The following AIG1 variants were observed in gnomAD, a reference collection of about 807,000 sequenced individuals.
The protein encoded by AIG1 is androgen induced 1.
Under a neutral mutation model 31.4 loss-of-function variants are expected in AIG1, and 23 were observed. The ratio of observed to expected loss-of-function variants is 0.73; its 90% confidence interval spans 0.53 to 1.04. AIG1 has a LOEUF of 1.04. AIG1 is among the 50% of genes least tolerant of loss of function. The pLI is 0.00. For synonymous variants in AIG1, 100 were observed against 110.5 expected (o/e 0.90, Z 0.60); for missense variants, 274 against 295.0 (o/e 0.93, Z 0.52).
chr6:143,206,981 T>A (rs891101477), intron 3 of AIG1, among the ~76,000 whole-genome samples: 11 of 152,170 alleles, frequency 7.2e-5, no homozygotes, highest in Non-Finnish European at 1.6e-4. Flanking sequence ...GGACATTTTT[T>A]AATGGGCCCT....
rs1004907177 is a variant in AIG1, at chr6:143,129,074, G to A, written c.142-7761G>A. 3.9e-5 allele frequency among the ~76,000 whole-genome samples: 6 copies of A among 152,018 alleles called. No homozygotes were observed. In the East Asian group the frequency reaches 1.2e-3, roughly 30 times the overall value. On this transcript the variant is annotated intron_variant, in intron 1 of 5. Transcript: ENST00000357847. The stretch of plus-strand genomic sequence containing the variant: ...TGGGAGGCCGAGGCAGGCAGATCAC[G>A]AGGTCAAGAGATTGAGACCATCCTG...
At chr6:143,141,537 T>C (rs1784244992) in intron 2 of AIG1, among the ~76,000 whole-genome samples, 1 of 152,188 alleles carries the variant, frequency 6.6e-6, no homozygotes, top group African/African-American at 2.4e-5. Flanking sequence ...GTTGCTTGGA[T>C]GAACATGGCA....
intron 2 of AIG1, among the ~76,000 whole-genome samples, chr6:143,163,696 A>G (rs1786637702): frequency 1.3e-5 from 2 of 152,162 alleles, no homozygotes; most frequent in Admixed American, 6.5e-5. Context: ...GCTCAGCTCT[A>G]TTTCCAACTG....
intron 1 of AIG1, among the ~76,000 whole-genome samples, chr6:143,104,365 A>ACC (rs1780605594): frequency 1.3e-5 from 2 of 152,206 alleles, no homozygotes; most frequent in African/African-American, 2.4e-5. Flanking sequence ...ATGAGGGTGA[A>ACC]GCTTCCTTCT....
intron 2 of AIG1, among the ~76,000 whole-genome samples, chr6:143,160,588 G>T (rs1786268325): frequency 6.6e-6 from 1 of 152,180 alleles, no homozygotes; most frequent in Non-Finnish European, 1.5e-5. Flanking sequence ...GCTGGCCATT[G>T]CTCCTGGCCA....
chr6:143,168,949 A>T (rs1216554761), intron 3 of AIG1, among the ~76,000 whole-genome samples: 1 of 152,046 alleles, frequency 6.6e-6, no homozygotes, highest in Non-Finnish European at 1.5e-5. Context: ...TTTCCATTAT[A>T]ATAGCATATT....
chr6:143,100,961 A>C lies in AIG1; in HGVS notation c.142-35874A>C, dbSNP rs540468741. Among the ~76,000 whole-genome samples, 7 of 152,332 alleles carry C rather than the reference A, an allele frequency of 4.6e-5. No homozygotes were observed. In the East Asian group the frequency reaches 1.4e-3, roughly 29 times the overall value. On this transcript the variant is annotated intron_variant, in intron 1 of 5. Coordinates refer to ENST00000357847, the MANE Select transcript of AIG1 (RefSeq NM_016108.4). ...CGGCCTCCCAAAGTGCTGGGATTAC[A>C]GGCCTGAGCCACCGTGCCCAGCCTA...
intron 3 of AIG1, among the ~76,000 whole-genome samples, chr6:143,263,406 C>T (rs1443742161): frequency 6.6e-6 from 1 of 151,994 alleles, no homozygotes; most frequent in East Asian, 1.9e-4. Flanking sequence ...ATAAGCCCTG[C>T]CCTGGTTCTT....
intron 3 of AIG1, among the ~76,000 whole-genome samples, chr6:143,282,430 G>A (rs576078455): frequency 2.1e-4 from 32 of 152,232 alleles, no homozygotes; most frequent in Non-Finnish European, 3.4e-4. Flanking sequence ...AACTGTTGGC[G>A]ACATTCCAGG....
rs148527530 is a variant in AIG1, at chr6:143,202,079, A to G, written c.399+36896A>G. On this transcript the variant is annotated intron_variant, in intron 3 of 5. Transcript: ENST00000357847. The stretch of plus-strand genomic sequence containing the variant: ...CAAACCCACAATTTAAATCCAGGCT[A>G]TTCAAGTCTACTCTTACCAACTCTC... Among the ~76,000 whole-genome samples, 803 of 152,286 alleles carry G rather than the reference A, an allele frequency of 5.3e-3. 5 individuals carry two copies. The highest frequency in any genetic ancestry group is 8.1e-3 in the Non-Finnish European group (551 of 68,012).
chr6:143,296,270 C>T (rs1032960429), intron 4 of AIG1, among the ~76,000 whole-genome samples: 27 of 152,146 alleles, frequency 1.8e-4, no homozygotes, highest in African/African-American at 5.6e-4. Context: ...TCACAGACTG[C>T]GCTCCTTGCC....
rs139730242 is a variant in AIG1 at position 143,331,666 on chromosome 6, A to ATG, written c.516-1602_516-1601dup. On this transcript the variant is annotated intron_variant, in intron 4 of 5. Transcript: ENST00000357847. The surrounding 1 kb of genome is among the most constrained non-coding windows in gnomAD (Gnocchi z 4.1). ...TGTGTGTATATATGTGTGTGTGTAT[A>ATG]TGTGTGTGTGTGTGTATCTGTGCTT... is the stretch of plus-strand genomic sequence containing the variant. Among the ~76,000 whole-genome samples, 30 of 150,564 alleles carry ATG rather than the reference A, an allele frequency of 2.0e-4. No individual in the cohort carries two copies. The highest frequency in any genetic ancestry group is 1.3e-3 in the South Asian group (6 of 4,764).
chr6:143,189,306 C>T (rs562701663), intron 3 of AIG1: 1 of 717,196 alleles, frequency 1.4e-6, no homozygotes, highest in Admixed American at 6.3e-5. Context: ...GTCTCGAACT[C>T]CTGGCCTCAA....
chr6:143,065,072 C>T lies in AIG1; in HGVS notation c.141+4006C>T, dbSNP rs570330564. Among the ~76,000 whole-genome samples, 4 of 152,238 alleles carry T rather than the reference C, an allele frequency of 2.6e-5. No homozygotes were observed. In the South Asian group the frequency reaches 6.2e-4, roughly 24 times the overall value. On this transcript the variant is annotated intron_variant, in intron 1 of 5. Transcript: ENST00000357847. ...GTCCAGAAGAAGAATGTCACAAGGTCGGTTGATCAGTTAAGGTAGGGCAGG... is the reference window on the plus strand; with the variant it reads ...GTCCAGAAGAAGAATGTCACAAGGTTGGTTGATCAGTTAAGGTAGGGCAGG...
intron 1 of AIG1, among the ~76,000 whole-genome samples, chr6:143,093,051 T>G (rs1319377955): frequency 6.6e-6 from 1 of 152,138 alleles, no homozygotes; most frequent in Admixed American, 6.6e-5. Context: ...CTCTTGTCTC[T>G]GAAAAAAACA....
chr6:143,335,140 C>A, intron 5 of AIG1: 1 of 1,392,440 alleles, frequency 7.2e-7, no homozygotes, highest in Non-Finnish European at 9.4e-7. Context: ...TCCTCATTTA[C>A]AAGAGGGGTC....
rs117302215 is a variant in AIG1, at chr6:143,220,503, C to T, written c.399+55320C>T. Among the ~76,000 whole-genome samples, 183 of 152,230 alleles carry T rather than the reference C, an allele frequency of 1.2e-3. 1 individual carries two copies. In the East Asian group the frequency reaches 0.022, roughly 18 times the overall value. On this transcript the variant is annotated intron_variant, in intron 3 of 5. Transcript: ENST00000357847. ...AATCTCTATCATACAGATGCAGAAACCGAGACTCAGAGTGGTTTAATTGCC... is the reference window on the plus strand; with the variant it reads ...AATCTCTATCATACAGATGCAGAAATCGAGACTCAGAGTGGTTTAATTGCC...
chr6:143,099,424 TAA>T (rs1168097034), intron 1 of AIG1: 2 of 152,226 alleles, frequency 1.3e-5, no homozygotes, highest in Non-Finnish European at 2.9e-5. Context: ...ATAATCAACA[TAA>T]AATAGTATGC....
intron 3 of AIG1, among the ~76,000 whole-genome samples, chr6:143,200,602 T>G (rs370226124): frequency 1.3e-5 from 2 of 152,194 alleles, no homozygotes; most frequent in African/African-American, 4.8e-5. Flanking sequence ...AACTGTTAGT[T>G]ATCAGTGACC....
Sources: allele counts gnomAD v4.1 joint callset (sites outside exome capture counted in the v4.1 genomes callset), GRCh38; gene constraint gnomAD v4.1.1; non-coding constraint Gnocchi (gnomAD v3.1); transcripts MANE v1.5; gene names NCBI Gene and HGNC (gene_info 2026-07-23, HGNC 2026-07-21).